Variants in ATRNL1 observed in about 807,000 individuals in gnomAD.
ATRNL1 encodes the protein attractin like 1.
ATRNL1 carries 95 observed loss-of-function variants against 182.7 expected under a neutral mutation model. That is an observed-to-expected ratio of 0.52 (90% CI 0.44 to 0.62). The LOEUF is 0.62. Ranked by LOEUF, ATRNL1 falls within the 20% of genes least tolerant of loss-of-function variation. The probability of loss-of-function intolerance (pLI) is 0.00; values close to 1 mark genes in which losing one functional copy is unlikely to be tolerated. For synonymous variants in ATRNL1, 576 were observed against 568.3 expected, an observed-to-expected ratio of 1.01 and a Z score of -0.19; for missense variants, 1,471 against 1,679.5, an observed-to-expected ratio of 0.88 and a Z score of 2.17.
intron 19 of ATRNL1, among the ~76,000 whole-genome samples, chr10:115,371,094 A>G (rs1204243421): frequency 2.6e-5 from 4 of 152,194 alleles, no homozygotes; most frequent in African/African-American, 9.6e-5. Context: ...GGTACACAGA[A>G]GTCAAGAATT....
At chr10:115,515,643 A>C (rs575122309) in intron 24 of ATRNL1, among the ~76,000 whole-genome samples, 7 of 151,844 alleles carry the variant, frequency 4.6e-5, no homozygotes, top group African/African-American at 1.7e-4. Context: ...TGTGTTCTTG[A>C]TGATTTCTGC....
chr10:115,165,108 C>T (rs555396361), intron 6 of ATRNL1, among the ~76,000 whole-genome samples: 1 of 150,858 alleles, frequency 6.6e-6, no homozygotes, highest in South Asian at 2.1e-4. Context: ...ACTTAAATAT[C>T]AATAAAAAAC....
At chr10:115,879,305 CA>C (rs140716871) in intron 28 of ATRNL1, among the ~76,000 whole-genome samples, 3 of 108,048 alleles carry the variant, frequency 2.8e-5, no homozygotes, top group Admixed American at 1.0e-4. Context: ...CTCTCTATCT[CA>C]AAAAAAAAAG....
intron 26 of ATRNL1, among the ~76,000 whole-genome samples, chr10:115,654,411 G>A (rs1251286583): frequency 4.6e-5 from 7 of 151,814 alleles, no homozygotes; most frequent in Admixed American, 2.0e-4. Context: ...TAGAGACGGG[G>A]TTTTGCCATG....
Position 115,359,051 on chromosome 10 carries a change from A to G in ATRNL1, c.3175+24632A>G, listed in dbSNP as rs144812556. ...ATGTCCCTGCCTTTGAACTCAAATTACTCATTTTTCAAATCTCAGCTCCAA... is the reference window on the plus strand; with the variant it reads ...ATGTCCCTGCCTTTGAACTCAAATTGCTCATTTTTCAAATCTCAGCTCCAA... On this transcript the variant is annotated intron_variant, in intron 19 of 28. Transcript: ENST00000355044. Among the ~76,000 whole-genome samples the G allele has an allele frequency of 6.3e-3, 948 of 151,652 alleles. 1 individual carries two copies. Among genetic ancestry groups the G allele is most frequent in the Non-Finnish European group, 0.011 (721 of 67,614 alleles).
chr10:115,142,483 G>A (rs1845792292), intron 5 of ATRNL1, among the ~76,000 whole-genome samples: 1 of 152,158 alleles, frequency 6.6e-6, no homozygotes, highest in African/African-American at 2.4e-5. Flanking sequence ...TTAAGGGGTT[G>A]CTGGAGGGGA....
chr10:115,351,170 A>G (rs1394472011), intron 19 of ATRNL1, among the ~76,000 whole-genome samples: 5 of 152,180 alleles, frequency 3.3e-5, no homozygotes, highest in African/African-American at 9.7e-5. Context: ...TTTTTGAAGT[A>G]TAAGATCATA....
intron 1 of ATRNL1, among the ~76,000 whole-genome samples, chr10:115,097,594 G>T (rs141829111): frequency 6.6e-6 from 1 of 152,192 alleles, no homozygotes; most frequent in East Asian, 1.9e-4. Flanking sequence ...AAAACGGGCA[G>T]AATAAAGTGT....
chr10:115,112,831 C>T (rs1257681573), intron 1 of ATRNL1, among the ~76,000 whole-genome samples: 4 of 152,160 alleles, frequency 2.6e-5, no homozygotes, highest in Admixed American at 2.6e-4. Flanking sequence ...CAATAGCCAA[C>T]ACCATAGACA....
intron 28 of ATRNL1, among the ~76,000 whole-genome samples, chr10:115,850,984 A>C (rs1472289814): frequency 1.3e-5 from 2 of 152,186 alleles, no homozygotes; most frequent in Non-Finnish European, 2.9e-5. Flanking sequence ...TTATTTCTCC[A>C]AATGTTAGTG....
chr10:115,410,265 A>G (rs1403995170), intron 20 of ATRNL1, among the ~76,000 whole-genome samples: 2 of 147,210 alleles, frequency 1.4e-5, no homozygotes, highest in African/African-American at 5.0e-5. Context: ...GTTTACTGCT[A>G]TTTTTTCATT....
chr10:115,262,624 T>C (rs985978451), intron 10 of ATRNL1, among the ~76,000 whole-genome samples: 1 of 151,992 alleles, frequency 6.6e-6, no homozygotes, highest in African/African-American at 2.4e-5. Context: ...GAAGAATATA[T>C]GGTAATACAT....
intron 21 of ATRNL1, among the ~76,000 whole-genome samples, chr10:115,430,214 A>G (rs2134409643): frequency 6.6e-6 from 1 of 152,136 alleles, no homozygotes; most frequent in African/African-American, 2.4e-5. Flanking sequence ...TTTCAACAAA[A>G]ATTTTTGGGT....
At chr10:115,408,820 A>G (rs1460708171) in intron 20 of ATRNL1, among the ~76,000 whole-genome samples, 1 of 152,128 alleles carries the variant, frequency 6.6e-6, no homozygotes, top group African/African-American at 2.4e-5. Flanking sequence ...CCGTTTATTG[A>G]AGAGGTTATT....
intron 20 of ATRNL1, among the ~76,000 whole-genome samples, chr10:115,423,603 A>G (rs1386636922): frequency 6.6e-6 from 1 of 152,212 alleles, no homozygotes; most frequent in Non-Finnish European, 1.5e-5. Context: ...ATGAAACAGA[A>G]TAAAGAACCC....
At chr10:115,194,494 A>G (rs1480245111) in intron 8 of ATRNL1, among the ~76,000 whole-genome samples, 1 of 151,230 alleles carries the variant, frequency 6.6e-6, no homozygotes, top group African/African-American at 2.4e-5. Context: ...TATGTGATAC[A>G]AGTATAGCTA....
rs140544430 is a variant in ATRNL1, at chr10:115,329,518, C to T, written c.3038-4764C>T. Among the ~76,000 whole-genome samples, 977 of 152,158 alleles carry T rather than the reference C, an allele frequency of 6.4e-3. 11 individuals carry two copies. Among genetic ancestry groups the T allele is most frequent in the African/African-American group, 0.022 (923 of 41,544 alleles). The stretch of plus-strand genomic sequence containing the variant: ...ACTACTATTGTTTTGCTTTCTATAC[C>T]TCCCTTTGGATCTATTAATGTTTGC... On this transcript the variant is annotated intron_variant, in intron 18 of 28. Transcript: ENST00000355044.
intron 27 of ATRNL1, among the ~76,000 whole-genome samples, chr10:115,777,969 T>C (rs1434292175): frequency 2.0e-5 from 3 of 152,082 alleles, no homozygotes; most frequent in African/African-American, 7.3e-5. Flanking sequence ...CTTTGGAACA[T>C]GAAAGAAACT....
intron 28 of ATRNL1, among the ~76,000 whole-genome samples, chr10:115,889,984 A>T (rs1265026373): frequency 2.0e-5 from 3 of 152,044 alleles, no homozygotes; most frequent in Non-Finnish European, 4.4e-5. Flanking sequence ...GCATTGGGGG[A>T]GTGGTGGTTT....
Sources: allele counts gnomAD v4.1 joint callset (sites outside exome capture counted in the v4.1 genomes callset), GRCh38; gene constraint gnomAD v4.1.1; transcripts MANE v1.5; gene names NCBI Gene and HGNC (gene_info 2026-07-23, HGNC 2026-07-21).